NTM: variants seen among roughly 807,000 people sequenced by gnomAD.
NTM encodes the protein neurotrimin, also known as IgLON family member 2.
In NTM, 13 loss-of-function variants were observed where a neutral mutation model predicts 42.1. The ratio of observed to expected loss-of-function variants is 0.31; its 90% CI spans 0.20 to 0.49. The LOEUF is 0.49. Among genes scored for constraint, NTM ranks in the 20% least tolerant of loss-of-function variants. The pLI is 0.99. For synonymous variants in NTM, 187 were observed against 179.2 expected, an observed-to-expected ratio of 1.04 and a Z score of -0.35; for missense variants, 373 against 452.8, an observed-to-expected ratio of 0.82 and a Z score of 1.60.
intron 1 of NTM, among the ~76,000 whole-genome samples, chr11:131,698,157 C>T (rs1295751222): frequency 6.6e-6 from 1 of 152,048 alleles, no homozygotes; most frequent in African/African-American, 2.4e-5. Context: ...TTTAGAGGCT[C>T]TCTAAGGTTC....
chr11:131,834,165 G>C (rs2136579992), intron 1 of NTM, among the ~76,000 whole-genome samples: 1 of 152,078 alleles, frequency 6.6e-6, no homozygotes, highest in South Asian at 2.1e-4. Context: ...TCTCTGCCAC[G>C]GTGCTACTCA....
At chr11:132,087,693 C>T (rs1395566133) in intron 2 of NTM, among the ~76,000 whole-genome samples, 2 of 152,168 alleles carry the variant, frequency 1.3e-5, no homozygotes, top group Non-Finnish European at 2.9e-5. Context: ...AAAGAAAAAC[C>T]TCTCACATAA....
chr11:131,594,310 T>C (rs1266446195), intron 1 of NTM, among the ~76,000 whole-genome samples: 1 of 152,192 alleles, frequency 6.6e-6, no homozygotes, highest in African/African-American at 2.4e-5. Flanking sequence ...TTGCATTAGT[T>C]GAGTATATTA....
chr11:131,954,855 G>A (rs2061399688), intron 2 of NTM, among the ~76,000 whole-genome samples: 1 of 152,046 alleles, frequency 6.6e-6, no homozygotes, highest in Non-Finnish European at 1.5e-5. Flanking sequence ...TATAACTTAT[G>A]TATATACACA....
chr11:132,025,630 C>G (rs1367945787), intron 2 of NTM, among the ~76,000 whole-genome samples: 2 of 152,140 alleles, frequency 1.3e-5, no homozygotes, highest in East Asian at 3.9e-4. Flanking sequence ...CTGTGACTAC[C>G]CACTGGGATT....
chr11:132,142,783 G>T (rs2069467530), intron 2 of NTM, among the ~76,000 whole-genome samples: 1 of 152,202 alleles, frequency 6.6e-6, no homozygotes, highest in Non-Finnish European at 1.5e-5. Flanking sequence ...AACCATGCTG[G>T]AAATTGGCTG....
intron 6 of NTM, among the ~76,000 whole-genome samples, chr11:132,312,098 C>T (rs2095298378): frequency 6.6e-6 from 1 of 152,190 alleles, no homozygotes; most frequent in Non-Finnish European, 1.5e-5. Context: ...GAGACAGGGG[C>T]TGTCTTTCCT....
At chr11:131,524,967 G>A (rs545968758) in intron 1 of NTM, among the ~76,000 whole-genome samples, 1 of 152,274 alleles carries the variant, frequency 6.6e-6, no homozygotes, top group Admixed American at 6.5e-5. Flanking sequence ...ACATGCACCT[G>A]CACACAGGAA....
intron 1 of NTM, among the ~76,000 whole-genome samples, chr11:131,531,570 T>C (rs2051282227): frequency 6.6e-6 from 1 of 152,254 alleles, no homozygotes. Flanking sequence ...ACTATTGCAA[T>C]TGTAACAGCT....
intron 1 of NTM, among the ~76,000 whole-genome samples, chr11:131,891,408 T>C (rs2051315664): frequency 1.3e-5 from 2 of 152,142 alleles, no homozygotes; most frequent in South Asian, 2.1e-4. Context: ...GGGAAAGCAC[T>C]TGGGAAGATG....
intron 1 of NTM, among the ~76,000 whole-genome samples, chr11:131,837,885 A>G (rs2043716310): frequency 6.6e-6 from 1 of 152,156 alleles, no homozygotes; most frequent in African/African-American, 2.4e-5. Flanking sequence ...TGAAGTCGAA[A>G]AAGGTTGTGT....
intron 1 of NTM, among the ~76,000 whole-genome samples, chr11:131,888,099 G>A (rs111372299): frequency 0.027 from 4,038 of 152,110 alleles, 146 homozygotes; most frequent in African/African-American, 0.09. Context: ...TTAGGACTTC[G>A]AGACCAGCCT....
At chr11:131,742,024 T>C (rs961596336) in intron 1 of NTM, among the ~76,000 whole-genome samples, 2 of 151,618 alleles carry the variant, frequency 1.3e-5, no homozygotes, top group African/African-American at 4.9e-5. Context: ...AGCTAAATGA[T>C]GAGAACACAG....
chr11:131,721,166 C>A (rs2078281475), intron 1 of NTM, among the ~76,000 whole-genome samples: 3 of 151,864 alleles, frequency 2.0e-5, no homozygotes, highest in Non-Finnish European at 4.4e-5. Context: ...GATAAGTGAC[C>A]CCGGGAAACC....
At chr11:131,744,480 C>T (rs1022866967) in intron 1 of NTM, among the ~76,000 whole-genome samples, 2 of 152,086 alleles carry the variant, frequency 1.3e-5, no homozygotes, top group Non-Finnish European at 2.9e-5. Context: ...GCAAAGTATC[C>T]TGGGGGAAAG....
intron 1 of NTM, among the ~76,000 whole-genome samples, chr11:131,547,628 T>C (rs1046913997): frequency 6.6e-6 from 1 of 152,152 alleles, no homozygotes; most frequent in East Asian, 1.9e-4. Flanking sequence ...GTAGTTTCTG[T>C]TGATTAGGTG....
chr11:131,710,590 C>T lies in NTM; in HGVS notation c.83-200974C>T, dbSNP rs76148166. 6.1e-3 allele frequency among the ~76,000 whole-genome samples: 931 copies of T among 152,260 alleles called. 12 individuals are homozygous for T. Among genetic ancestry groups the T allele is most frequent in the African/African-American group, 0.021 (881 of 41,562 alleles). The stretch of plus-strand genomic sequence containing the variant: ...GAGTCAGTCCCTTGCCTTTAATTCA[C>T]TAATGGAGTGGTTTTCAAAGTGTAA... On this transcript the variant is annotated intron_variant, in intron 1 of 8. Coordinates refer to ENST00000683400, the MANE Select transcript of NTM (RefSeq NM_001352005.2).
intron 1 of NTM, among the ~76,000 whole-genome samples, chr11:131,828,223 G>A (rs956876412): frequency 2.0e-5 from 3 of 151,974 alleles, no homozygotes; most frequent in Admixed American, 6.6e-5. Flanking sequence ...TAGCAAGTAC[G>A]TAGTAAATGT....
intron 1 of NTM, among the ~76,000 whole-genome samples, chr11:131,569,409 G>A (rs565148661): frequency 2.6e-5 from 4 of 152,116 alleles, no homozygotes; most frequent in African/African-American, 7.2e-5. Context: ...GCCTCCCAAA[G>A]TGCTGGGTTT....
Sources: gnomAD v4.1 joint callset for allele counts (sites outside exome capture counted in the v4.1 genomes callset) on GRCh38, gnomAD v4.1.1 for gene constraint, MANE v1.5 for transcripts, NCBI Gene and HGNC (gene_info 2026-07-23, HGNC 2026-07-21) for gene names.